DPP9: variants seen among roughly 807,000 people sequenced by gnomAD.
DPP9 encodes dipeptidyl peptidase 9.
Under a neutral mutation model 110.7 loss-of-function variants are expected in DPP9, and 50 were observed. That is an observed-to-expected ratio of 0.45 (90% CI 0.36 to 0.57). The LOEUF (loss-of-function observed/expected upper bound fraction) is 0.57. Among genes scored for constraint, DPP9 ranks in the 20% least tolerant of loss-of-function variants. The pLI is 0.00. For synonymous variants in DPP9, 561 were observed against 514.4 expected (o/e 1.09, Z -1.23); for missense variants, 1,022 against 1,217.9 (o/e 0.84, Z 2.39).
In DPP9 at chr19:4,683,677, C is replaced by T. The variant is rs758788921; in HGVS notation, c.2179-48G>A. 5.6e-6 allele frequency: 9 copies of T among 1,612,888 alleles called. No individual in the cohort carries two copies. The Admixed American group carries it at 1.5e-4, about 27-fold the overall frequency. ...TCTCAGTGGCCTCCTCCCGGTATGT[C>T]CCTCCCCTGCAGTGACACCTCTGCT... On this transcript the variant is annotated intron_variant, in intron 18 of 21. Transcript: ENST00000262960.
chr19:4,690,964 A>G lies in DPP9; in HGVS notation c.1517-7T>C. 1 of 1,606,918 alleles carries G rather than the reference A, an allele frequency of 6.2e-7. No individual in the cohort carries two copies. The highest frequency in any genetic ancestry group is 1.1e-5 in the South Asian group (1 of 90,154). ...ATGGGGCACTTAAATTCATCTGGAA[A>G]GAAAGAAAGAAGGGAGGTGAAGGGG... On this transcript the variant is annotated splice_polypyrimidine_tract_variant and splice_region_variant and intron_variant, in intron 13 of 21. Transcript: ENST00000262960.
chr19:4,705,828 G>A (rs1400049323), intron 5 of DPP9, 30 bp downstream of exon 5: 1 of 1,608,730 alleles, frequency 6.2e-7, no homozygotes, highest in South Asian at 1.1e-5. Context: ...CTCGCCCACG[G>A]TAGGGCCCAC....
intron 4 of DPP9, among the ~76,000 whole-genome samples, chr19:4,706,715 C>A (rs1345435467): frequency 6.6e-6 from 1 of 152,210 alleles, no homozygotes; most frequent in Non-Finnish European, 1.5e-5. Context: ...ACTCGTCAGG[C>A]TGAGGCAGGA....
Position 4,697,615 on chromosome 19 carries a change from A to G in DPP9, c.1111T>C (p.Phe371Leu). The change falls in exon 11 of 22, where the codon TTC (phenylalanine) becomes CTC (leucine). Residue 371 changes from phenylalanine (F) to leucine (L), a missense_variant. Physicochemically the swap from Phe to Leu is conservative, Grantham distance 22. This residue lies in a region of DPP9 where 810 missense variants were observed against 920.6 expected (regional missense o/e 0.88). Coordinates refer to ENST00000262960, the MANE Select transcript of DPP9 (RefSeq NM_139159.5). ...TCCACCTTCGGGAACAGCGAGCTGA[A>G]GGGCTGCACCAGCTCCTTCTCCTGG... Reference protein sequence around the residue: ...STQEKELVQPFSSLFPKVEYI... With the variant: ...STQEKELVQPLSSLFPKVEYI... 1 of 1,613,868 alleles carries G rather than the reference A, an allele frequency of 6.2e-7. No individual in the cohort carries two copies. Among genetic ancestry groups the G allele is most frequent in the East Asian group, 2.2e-5 (1 of 44,874 alleles).
Position 4,686,318 on chromosome 19 carries a change from A to ATT in DPP9, c.1886-549_1886-548dup, listed in dbSNP as rs397859631. On this transcript the variant is annotated intron_variant, in intron 16 of 21. Transcript: ENST00000262960. ...GTTGGCCAAACTTGTCTCGAACTGT[A>ATT]TTTTTTTTTTTTTTTTTTTGAGACG... 4.4e-3 allele frequency among the ~76,000 whole-genome samples: 461 copies of ATT among 105,612 alleles called. 9 individuals are homozygous for ATT. The highest frequency in any genetic ancestry group is 0.014 in the African/African-American group (429 of 30,120). 69.3% of individuals were successfully genotyped at this position (105,612 alleles called of 152,430 possible). A position where few individuals can be genotyped will look rare whatever the true frequency, so the allele number is the denominator to read the frequency against.
intron 4 of DPP9, among the ~76,000 whole-genome samples, chr19:4,713,174 C>A (rs559827850): frequency 2.0e-5 from 3 of 152,360 alleles, no homozygotes; most frequent in Admixed American, 2.0e-4. Context: ...AACGATCTGG[C>A]CCCAATGTCC....
intron 4 of DPP9, among the ~76,000 whole-genome samples, chr19:4,709,743 G>A (rs899705884): frequency 6.7e-6 from 1 of 149,222 alleles, no homozygotes; most frequent in Admixed American, 6.7e-5. Context: ...AAAAGCCACT[G>A]AGTTTCACAC....
At chr19:4,681,470 C>T (rs1393714820) in intron 20 of DPP9, among the ~76,000 whole-genome samples, 3 of 151,978 alleles carry the variant, frequency 2.0e-5, no homozygotes, top group Non-Finnish European at 2.9e-5. Flanking sequence ...GTGTGTGTCA[C>T]CACACCTGGC....
At chr19:4,713,902 C>G (rs371763686) in intron 4 of DPP9, among the ~76,000 whole-genome samples, 179 bp downstream of exon 4, 2 of 152,284 alleles carry the variant, frequency 1.3e-5, no homozygotes, top group African/African-American at 4.8e-5. Context: ...ACCCACCCCG[C>G]GGCAGCCCTT....
In DPP9 at chr19:4,695,168, A is replaced by T; in HGVS notation, c.1353+210T>A. 1 of 582,648 alleles carries T rather than the reference A, an allele frequency of 1.7e-6. No homozygotes were observed. Among genetic ancestry groups the T allele is most frequent in the South Asian group, 2.3e-5 (1 of 43,792 alleles). 36.1% of individuals were successfully genotyped at this position (582,648 alleles called of 1,614,324 possible). On this transcript the variant is annotated intron_variant, in intron 12 of 21. Coordinates refer to ENST00000262960, the MANE Select transcript of DPP9 (RefSeq NM_139159.5). This position sits in a 1 kb window ranked among gnomAD's most constrained non-coding sequence, Gnocchi z 4.7. ...TGTCTCTAATTAAAGAAAAAAATAG[A>T]TGAGGGGAGAGGCTCCAATGGCTGC...
chr19:4,695,658 G>C lies in DPP9; in HGVS notation c.1176-103C>G. The C allele has an allele frequency of 9.4e-7, 1 of 1,067,260 alleles. No individual in the cohort carries two copies. The highest frequency in any genetic ancestry group is 1.3e-6 in the Non-Finnish European group (1 of 786,784). 66.1% of individuals were successfully genotyped at this position (1,067,260 alleles called of 1,614,324 possible). On this transcript the variant is annotated intron_variant, in intron 11 of 21. Coordinates refer to ENST00000262960, the MANE Select transcript of DPP9 (RefSeq NM_139159.5). The surrounding 1 kb of genome is among the most constrained non-coding windows in gnomAD (Gnocchi z 4.7). Reference sequence around the variant, plus strand: ...GCGTCCAAACCCGTGTGGAATCAGGGCTGGGCTTCCTGCGCTGGCTTCACC... The same window carrying C: ...GCGTCCAAACCCGTGTGGAATCAGGCCTGGGCTTCCTGCGCTGGCTTCACC...
In DPP9 at chr19:4,684,415, C is replaced by A; in HGVS notation, c.2178+248G>T. The A allele has an allele frequency of 1.8e-6, 1 of 543,642 alleles. No individual in the cohort carries two copies. 33.7% of individuals were successfully genotyped at this position (543,642 alleles called of 1,614,324 possible). ...AAAGGGGCCGAGATGATCGCCATCA[C>A]CACCGTCGTCATCACCAGTGTCAGC... On this transcript the variant is annotated intron_variant, in intron 18 of 21. Transcript: ENST00000262960. This position sits in a 1 kb window ranked among gnomAD's most constrained non-coding sequence, Gnocchi z 4.8.
intron 10 of DPP9, 47 bp from the exon 11 acceptor site, chr19:4,697,698 G>A (rs375856243): frequency 1.0e-4 from 158 of 1,534,434 alleles, no homozygotes; most frequent in South Asian, 6.2e-4. Context: ...CCTGCCCGGC[G>A]CTGCTCGGAG....
At position 4,702,688 on chromosome 19, in the gene DPP9, C is replaced by A; in HGVS notation, c.798G>T (p.Lys266Asn). 6.3e-7 allele frequency: 1 copy of A among 1,599,166 alleles called. No individual in the cohort carries two copies. Among genetic ancestry groups the A allele is most frequent in the African/African-American group, 1.3e-5 (1 of 74,194 alleles). The change falls in exon 8 of 22, where the codon AAG (lysine) becomes AAT (asparagine). Residue 266 changes from lysine (K) to asparagine (N), a missense_variant. By Grantham distance (94) the Lys-to-Asn change is moderately conservative (BLOSUM62 0). Transcript: ENST00000262960. The part of the protein sequence containing the change: ...QGLSNVLDDP[K>N]SAGVATFVIQ... ...TGACGAAGGTGGCCACACCCGCAGACTTGGGGTCATCCAGGACATTGGATA... is the reference window on the plus strand; with the variant it reads ...TGACGAAGGTGGCCACACCCGCAGAATTGGGGTCATCCAGGACATTGGATA...
Position 4,696,499 on chromosome 19 carries a change from G to A in DPP9, c.1176-944C>T, listed in dbSNP as rs1024050880. Among the ~76,000 whole-genome samples, 9 of 151,422 alleles carry A rather than the reference G, an allele frequency of 5.9e-5. No individual in the cohort carries two copies. In the East Asian group the frequency reaches 1.8e-3, roughly 29 times the overall value. ...AAAAAGTCCAGGCACAGTGGCTCAC[G>A]CTTGTAATCCCAGCACTTTGGGAAG... is the stretch of plus-strand genomic sequence containing the variant. On this transcript the variant is annotated intron_variant, in intron 11 of 21. Coordinates refer to ENST00000262960, the MANE Select transcript of DPP9 (RefSeq NM_139159.5).
rs2090884471 is a variant in DPP9, at chr19:4,687,572, C to T, written c.1885+1185G>A. On this transcript the variant is annotated intron_variant, in intron 16 of 21. Transcript: ENST00000262960. The surrounding 1 kb of genome is among the most constrained non-coding windows in gnomAD (Gnocchi z 4.7). ...AGGCCCCCCTGTGACTGACCCTTTG[C>T]TCCTTTTCCTGATAAAGGCCTCGGA... 1.3e-5 allele frequency among the ~76,000 whole-genome samples: 2 copies of T among 152,190 alleles called. No homozygotes were observed. Among genetic ancestry groups the T allele is most frequent in the Non-Finnish European group, 2.9e-5 (2 of 68,026 alleles).
rs202119530 is a variant in DPP9 at position 4,679,835 on chromosome 19, C to T, written c.2586G>A (p.Gln862=). 519 of 1,606,734 alleles carry T rather than the reference C, an allele frequency of 3.2e-4. No individual in the cohort carries two copies. The highest frequency in any genetic ancestry group is 4.2e-4 in the Non-Finnish European group (493 of 1,176,574). ...GCCGAAGCCCCCAACAGCCACCCAC[C>T]TGGAGCTGGTAAGGTTTCCCTGCTC... ...LIRAGKPYQL[Q]IYPNERHSIR... is the part of the protein sequence containing the mutation. Residue 862 remains glutamine, a splice_region_variant and synonymous_variant, in exon 21 of 22, where the codon CAG becomes CAA. Transcript: ENST00000262960.
rs1346216835 is a variant in DPP9, at chr19:4,694,991, A to AAATG, written c.1354-169_1354-168insCATT. The stretch of plus-strand genomic sequence containing the variant: ...ATAGTAAGACCCCACCTCTAAAAAT[A>AAATG]AATAAATAAATTAGCCAGGCATGGT... On this transcript the variant is annotated intron_variant, in intron 12 of 21. Coordinates refer to ENST00000262960, the MANE Select transcript of DPP9 (RefSeq NM_139159.5). This position sits in a 1 kb window ranked among gnomAD's most constrained non-coding sequence, Gnocchi z 4.0. 2 of 646,088 alleles carry AAATG rather than the reference A, an allele frequency of 3.1e-6. No individual in the cohort carries two copies. The highest frequency in any genetic ancestry group is 5.3e-6 in the Non-Finnish European group (2 of 379,352). The allele number at this position is 646,088 out of a possible 1,614,324, so 40.0% of individuals were successfully genotyped here.
At chr19:4,697,170 G>A (rs1392012483) in intron 11 of DPP9, among the ~76,000 whole-genome samples, 1 of 152,146 alleles carries the variant, frequency 6.6e-6, no homozygotes, top group Non-Finnish European at 1.5e-5. Flanking sequence ...AGGTGGTAGA[G>A]TTCTCTCCTC....
Sources: gnomAD v4.1 joint callset for allele counts (sites outside exome capture counted in the v4.1 genomes callset) on GRCh38, gnomAD v4.1.1 for gene constraint, gnomAD v4.1.1 regional missense constraint, Gnocchi (gnomAD v3.1) non-coding constraint, MANE v1.5 for transcripts, NCBI Gene and HGNC (gene_info 2026-07-23, HGNC 2026-07-21) for gene names.